The following GLDC variants were observed in gnomAD, a reference collection of about 807,000 sequenced individuals.
The protein encoded by GLDC is glycine dehydrogenase (decarboxylating), mitochondrial.
A neutral mutation model predicts 121.3 loss-of-function variants in GLDC; 104 were observed. That is an observed-to-expected ratio of 0.86 (90% CI 0.73 to 1.01). The LOEUF is 1.01. GLDC is among the 50% of genes least tolerant of loss of function. The pLI, the probability that GLDC is intolerant of heterozygous loss-of-function variation, is 0.00. For missense variants in GLDC, 1,429 were observed against 1,306.6 expected (o/e 1.09, Z -1.44); for synonymous variants, 546 against 480.6 (o/e 1.14, Z -1.78).
At chr9:6,601,439 C>A (rs1308790999) in intron 8 of GLDC, among the ~76,000 whole-genome samples, 1 of 152,182 alleles carries the variant, frequency 6.6e-6, no homozygotes, top group East Asian at 1.9e-4. Context: ...TGAAGACTGG[C>A]CTTTTTTGTC....
intron 3 of GLDC, among the ~76,000 whole-genome samples, chr9:6,617,002 A>C (rs1818979091): frequency 6.6e-6 from 1 of 152,180 alleles, no homozygotes; most frequent in African/African-American, 2.4e-5. Flanking sequence ...GAATAGTGAA[A>C]CCCATAAAAT....
intron 23 of GLDC, chr9:6,535,849 G>T: frequency 1.7e-6 from 1 of 590,314 alleles, no homozygotes; most frequent in African/African-American, 1.8e-5. Context: ...AGACAGCTGT[G>T]GACAGCTTCC....
Position 6,542,339 on chromosome 9 carries a change from A to G in GLDC, c.2570-2193T>C, listed in dbSNP as rs118189196. ...CTGCAGCCTTGACCTCCTGGGCCCA[A>G]GCAATCCTCTCAGTTCAGCCTCCTG... is the stretch of plus-strand genomic sequence containing the variant. On this transcript the variant is annotated intron_variant, in intron 21 of 24. Coordinates refer to ENST00000321612, the MANE Select transcript of GLDC (RefSeq NM_000170.3). The G allele has an allele frequency of 9.7e-3, 1,471 of 152,390 alleles. 14 individuals carry two copies. The highest frequency in any genetic ancestry group is 0.017 in the Middle Eastern group (5 of 294). 9.4% of individuals were successfully genotyped at this position (152,390 alleles called of 1,614,324 possible). A position where few individuals can be genotyped will look rare whatever the true frequency, so the allele number is the denominator to read the frequency against.
At chr9:6,546,289 C>T (rs975741705) in intron 21 of GLDC, among the ~76,000 whole-genome samples, 1 of 151,854 alleles carries the variant, frequency 6.6e-6, no homozygotes, top group African/African-American at 2.4e-5. Flanking sequence ...ACTTCCCAGG[C>T]TCAAGCAATC....
rs548288477 is a variant in GLDC, at chr9:6,621,565, T to G, written c.335-1246A>C. On this transcript the variant is annotated intron_variant, in intron 2 of 24. Transcript: ENST00000321612. ...GGGAGTCTTGCTCTGTCACCCAGGC[T>G]GGAGTGCAGTGGCTCGATCTTGGCT... Among the ~76,000 whole-genome samples, 19 of 152,328 alleles carry G rather than the reference T, an allele frequency of 1.2e-4. 1 individual carries two copies. In the South Asian group the frequency reaches 2.7e-3, roughly 22 times the overall value.
At chr9:6,609,057 C>T (rs1190507713) in intron 4 of GLDC, among the ~76,000 whole-genome samples, 1 of 152,162 alleles carries the variant, frequency 6.6e-6, no homozygotes, top group Non-Finnish European at 1.5e-5. Context: ...CTTACATGGG[C>T]ATTCAGGGCT....
rs386833584 is a variant in GLDC, at chr9:6,610,192, C to A, written c.635G>T (p.Arg212Ile). Reference protein sequence around the residue: ...AAAEALQLCYRHNKRRKFLVD... With the variant: ...AAAEALQLCYIHNKRRKFLVD... ...TCCAGCACTTTGAGAGGCCTCTCAC[C>A]TGTAGCACAGCTGCAGTGCCTCTGC... The change falls in exon 4 of 25, where the codon AGA (arginine) becomes ATA (isoleucine). Residue 212 changes from arginine to isoleucine, a missense_variant and splice_region_variant. Transcript: ENST00000321612. 6.2e-7 allele frequency: 1 copy of A among 1,609,172 alleles called. No individual in the cohort carries two copies. Among genetic ancestry groups the A allele is most frequent in the Non-Finnish European group, 8.5e-7 (1 of 1,177,604 alleles).
At position 6,602,200 on chromosome 9, in the gene GLDC, G is replaced by T; in HGVS notation, c.1064C>A (p.Ala355Asp). ...PGRMVGVTRD[A>D]TGKEVYRLAL... ...AAGACGATACACTTCTTTCCCAGTGGCATCTCTACACCAAGAATAAGGCAT... is the reference window on the plus strand; with the variant it reads ...AAGACGATACACTTCTTTCCCAGTGTCATCTCTACACCAAGAATAAGGCAT... The change falls in exon 8 of 25, where the codon GCC becomes GAC. Residue 355 changes from alanine (A) to aspartate (D), a missense_variant. Transcript: ENST00000321612. 1 of 1,601,098 alleles carries T rather than the reference G, an allele frequency of 6.2e-7. No homozygotes were observed. The highest frequency in any genetic ancestry group is 1.3e-5 in the African/African-American group (1 of 74,782).
chr9:6,643,583 C>A (rs529843014), intron 2 of GLDC, among the ~76,000 whole-genome samples: 1 of 151,824 alleles, frequency 6.6e-6, no homozygotes, highest in South Asian at 2.1e-4. Context: ...ATTGTCCCCC[C>A]ACCCCATGGA....
chr9:6,543,358 G>C lies in GLDC; in HGVS notation c.2570-3212C>G, dbSNP rs141357790. On this transcript the variant is annotated intron_variant, in intron 21 of 24. Transcript: ENST00000321612. ...TCACTGCTCGGAATGACACCAGACA[G>C]CAGGGAGGGGAGGAGGGGAGAGACA... Among the ~76,000 whole-genome samples the C allele has an allele frequency of 5.9e-4, 90 of 152,300 alleles. 2 individuals are homozygous for C. In the East Asian group the frequency reaches 0.016, roughly 27 times the overall value.
intron 8 of GLDC, among the ~76,000 whole-genome samples, chr9:6,596,836 CCTCAAAATGTTA>C (rs1393492416): frequency 6.6e-6 from 1 of 152,140 alleles, no homozygotes; most frequent in African/African-American, 2.4e-5. Flanking sequence ...TCTGGAAGTT[CCTCAAAATGTTA>C]AATGTAGAGT....
At chr9:6,619,734 G>A (rs1819043967) in intron 3 of GLDC, among the ~76,000 whole-genome samples, 1 of 152,068 alleles carries the variant, frequency 6.6e-6, no homozygotes, top group Non-Finnish European at 1.5e-5. Context: ...TCTGGGCAGG[G>A]TGGTAGGCGG....
chr9:6,574,462 G>T (rs58478585), intron 15 of GLDC, among the ~76,000 whole-genome samples: 45 of 145,914 alleles, frequency 3.1e-4, no homozygotes, highest in African/African-American at 1.1e-3. Flanking sequence ...GCAAGACTCC[G>T]TCTCAAAAAA....
intron 3 of GLDC, among the ~76,000 whole-genome samples, chr9:6,616,855 A>T (rs1818975765): frequency 6.6e-6 from 1 of 152,146 alleles, no homozygotes; most frequent in South Asian, 2.1e-4. Flanking sequence ...TGGAATTGGG[A>T]AAGGGGGTTA....
intron 6 of GLDC, among the ~76,000 whole-genome samples, 167 bp downstream of exon 6, chr9:6,604,964 C>T (rs1473063365): frequency 2.0e-5 from 3 of 151,952 alleles, no homozygotes; most frequent in African/African-American, 4.8e-5. Context: ...GCCAGGAATC[C>T]GGGAACAGAA....
intron 12 of GLDC, 107 bp from the exon 13 acceptor site, chr9:6,588,809 A>C: frequency 1.3e-6 from 1 of 776,500 alleles, no homozygotes; most frequent in Non-Finnish European, 2.3e-6. Flanking sequence ...AATGCAGATC[A>C]ATTTTGGCCA....
intron 22 of GLDC, 21 bp from the exon 23 acceptor site, chr9:6,536,257 A>T: frequency 1.2e-6 from 2 of 1,608,396 alleles, no homozygotes; most frequent in Non-Finnish European, 1.7e-6. Flanking sequence ...AGACAGGAGA[A>T]CTTGCCTCAC....
At chr9:6,633,982 A>C (rs1018764182) in intron 2 of GLDC, among the ~76,000 whole-genome samples, 5 of 151,338 alleles carry the variant, frequency 3.3e-5, no homozygotes, top group African/African-American at 9.7e-5. Flanking sequence ...GGCGCCCGCC[A>C]CCAGGCCCAG....
At chr9:6,554,625 T>A (rs757241907) in intron 19 of GLDC, 44 bp downstream of exon 19, 1 of 1,340,908 alleles carries the variant, frequency 7.5e-7, no homozygotes, top group Non-Finnish European at 1.1e-6. Flanking sequence ...CACTCCTTCA[T>A]TCTGTCTCCA....
Sources: gnomAD v4.1 joint callset for allele counts (sites outside exome capture counted in the v4.1 genomes callset) on GRCh38, gnomAD v4.1.1 for gene constraint, MANE v1.5 for transcripts, NCBI Gene and HGNC (gene_info 2026-07-23, HGNC 2026-07-21) for gene names.